Variants in MVB12B observed in about 807,000 individuals in gnomAD.
MVB12B encodes multivesicular body subunit 12B.
MVB12B carries 16 observed loss-of-function variants against 41.6 expected under a neutral mutation model. The ratio of observed to expected loss-of-function variants is 0.38; its 90% CI spans 0.26 to 0.58. The LOEUF (loss-of-function observed/expected upper bound fraction) is 0.58. MVB12B is among the 20% of genes least tolerant of loss of function. MVB12B has a pLI of 0.62. For synonymous variants in MVB12B, 133 were observed against 139.7 expected, an observed-to-expected ratio of 0.95 and a Z score of 0.34; for missense variants, 274 against 380.2, an observed-to-expected ratio of 0.72 and a Z score of 2.32.
At chr9:126,365,136 C>CT (rs1830135173) in intron 2 of MVB12B, among the ~76,000 whole-genome samples, 1 of 151,702 alleles carries the variant, frequency 6.6e-6, no homozygotes, top group Non-Finnish European at 1.5e-5. Flanking sequence ...TCACTGCAAC[C>CT]TCCGCCTCCC....
intron 9 of MVB12B, 109 bp downstream of exon 9, chr9:126,484,141 G>A: frequency 2.0e-6 from 2 of 1,019,078 alleles, no homozygotes; most frequent in Non-Finnish European, 3.0e-6. Flanking sequence ...ACAGGTGGAG[G>A]TGTTCCGTTC....
At chr9:126,361,367 A>G (rs185897238) in intron 2 of MVB12B, among the ~76,000 whole-genome samples, 20 of 152,174 alleles carry the variant, frequency 1.3e-4, no homozygotes, top group African/African-American at 4.3e-4. Context: ...CCCTTGTGCT[A>G]TTGTTGGCAT....
intron 7 of MVB12B, among the ~76,000 whole-genome samples, chr9:126,466,888 T>C (rs1177153972): frequency 6.6e-6 from 1 of 151,998 alleles, no homozygotes; most frequent in Non-Finnish European, 1.5e-5. Context: ...AGTGCAGTGG[T>C]GCAATCTCAG....
At chr9:126,493,708 T>C (rs531147727) in intron 9 of MVB12B, among the ~76,000 whole-genome samples, 2 of 152,366 alleles carry the variant, frequency 1.3e-5, no homozygotes, top group South Asian at 2.1e-4. Context: ...CCTTTCTCTT[T>C]AGGTCATTCC....
At chr9:126,387,587 G>C (rs1301445319) in intron 4 of MVB12B, among the ~76,000 whole-genome samples, 1 of 152,178 alleles carries the variant, frequency 6.6e-6, no homozygotes, top group African/African-American at 2.4e-5. Context: ...GAAACCAGCA[G>C]ACCCCGTTGT....
At chr9:126,399,013 G>A (rs1831195836) in intron 6 of MVB12B, among the ~76,000 whole-genome samples, 1 of 152,146 alleles carries the variant, frequency 6.6e-6, no homozygotes, top group Non-Finnish European at 1.5e-5. Flanking sequence ...TCCAAAAGCA[G>A]GAACTGCCTC....
At chr9:126,498,484 C>T (rs146391752) in intron 9 of MVB12B, among the ~76,000 whole-genome samples, 1,569 of 152,340 alleles carry the variant, frequency 0.01, 13 homozygotes, top group Non-Finnish European at 0.015. Flanking sequence ...TGGACTACAC[C>T]ATTCCTGGCC....
chr9:126,495,771 T>G (rs1833816342), intron 9 of MVB12B, among the ~76,000 whole-genome samples: 1 of 152,138 alleles, frequency 6.6e-6, no homozygotes, highest in South Asian at 2.1e-4. Flanking sequence ...TCTAGATAAA[T>G]ATTGGCATCC....
rs773925425 is a variant in MVB12B at position 126,473,770 on chromosome 9, C to T, written c.758-7599C>T. Among the ~76,000 whole-genome samples, 7 of 152,176 alleles carry T rather than the reference C, an allele frequency of 4.6e-5. No individual in the cohort carries two copies. Among genetic ancestry groups the T allele is most frequent in the Admixed American group, 1.3e-4 (2 of 15,276 alleles). On this transcript the variant is annotated intron_variant, in intron 7 of 9. Coordinates refer to ENST00000361171, the MANE Select transcript of MVB12B (RefSeq NM_033446.3). The surrounding 1 kb of genome is among the most constrained non-coding windows in gnomAD (Gnocchi z 4.0). ...TCTCCCGCCGGGCCCCCTCCAATAC[C>T]GGGGATTACAATTGAACATGAGATT... is the stretch of plus-strand genomic sequence containing the variant.
intron 7 of MVB12B, among the ~76,000 whole-genome samples, chr9:126,476,833 C>T (rs895919573): frequency 9.6e-5 from 14 of 145,132 alleles, no homozygotes; most frequent in Non-Finnish European, 1.2e-4. Flanking sequence ...GCCAAGATTG[C>T]GCCACTGCAC....
intron 7 of MVB12B, among the ~76,000 whole-genome samples, chr9:126,427,804 G>T (rs915473754): frequency 1.3e-5 from 2 of 152,190 alleles, no homozygotes; most frequent in African/African-American, 4.8e-5. Context: ...ACCTAGACAG[G>T]TTGGCTCACT....
rs1324540741 is a variant in MVB12B at position 126,376,759 on chromosome 9, C to T, written c.205-4305C>T. 9 of 1,222,056 alleles carry T rather than the reference C, an allele frequency of 7.4e-6. No homozygotes were observed. The highest frequency in any genetic ancestry group is 2.7e-5 in the Admixed American group (1 of 37,412). 75.7% of individuals were successfully genotyped at this position (1,222,056 alleles called of 1,614,324 possible). A position where few individuals can be genotyped will look rare whatever the true frequency, so the allele number is the denominator to read the frequency against. On this transcript the variant is annotated intron_variant, in intron 2 of 9. Coordinates refer to ENST00000361171, the MANE Select transcript of MVB12B (RefSeq NM_033446.3). This position sits in a 1 kb window ranked among gnomAD's most constrained non-coding sequence, Gnocchi z 4.1. ...TCCTCCTGACCTCCAGCCTCCTTCCCCACCTGCCGGGCTTGTAGAGTCCTG... is the reference window on the plus strand; with the variant it reads ...TCCTCCTGACCTCCAGCCTCCTTCCTCACCTGCCGGGCTTGTAGAGTCCTG...
In MVB12B at chr9:126,448,926, G is replaced by T. The variant is rs1458037541; in HGVS notation, c.757+26978G>T. Among the ~76,000 whole-genome samples, 3 of 152,174 alleles carry T rather than the reference G, an allele frequency of 2.0e-5. No individual in the cohort carries two copies. In the East Asian group the frequency reaches 5.8e-4, roughly 29 times the overall value. On this transcript the variant is annotated intron_variant, in intron 7 of 9. Transcript: ENST00000361171. Reference sequence around the variant, plus strand: ...CCTCATCCCAGAACTTTGATCATTGGAAGTGCTTATTTGAAATCTTCCCAT... The same window carrying T: ...CCTCATCCCAGAACTTTGATCATTGTAAGTGCTTATTTGAAATCTTCCCAT...
At chr9:126,458,969 T>C (rs1402134668) in intron 7 of MVB12B, among the ~76,000 whole-genome samples, 1 of 152,240 alleles carries the variant, frequency 6.6e-6, no homozygotes, top group Non-Finnish European at 1.5e-5. Flanking sequence ...TCTCTTTCTT[T>C]CTATTACTGA....
At chr9:126,350,941 G>A (rs1180084325) in intron 2 of MVB12B, among the ~76,000 whole-genome samples, 1 of 152,136 alleles carries the variant, frequency 6.6e-6, no homozygotes, top group African/African-American at 2.4e-5. Flanking sequence ...GGGTTTTAAT[G>A]GCAATTGATG....
intron 6 of MVB12B, among the ~76,000 whole-genome samples, chr9:126,398,501 T>C (rs1462568931): frequency 6.6e-6 from 1 of 152,220 alleles, no homozygotes; most frequent in African/African-American, 2.4e-5. Flanking sequence ...TCAAGTCTTT[T>C]TCTTGTGTAC....
chr9:126,357,998 GTGATA>G (rs572415171), intron 2 of MVB12B, among the ~76,000 whole-genome samples: 5 of 152,094 alleles, frequency 3.3e-5, no homozygotes, highest in Non-Finnish European at 7.4e-5. Flanking sequence ...ATGGTTATAT[GTGATA>G]TGATATATGG....
intron 7 of MVB12B, among the ~76,000 whole-genome samples, chr9:126,425,226 T>C (rs1352626908): frequency 6.6e-6 from 1 of 152,182 alleles, no homozygotes; most frequent in African/African-American, 2.4e-5. Flanking sequence ...TGTGCTATTA[T>C]GATGGCCTTT....
Position 126,386,141 on chromosome 9 carries a change from G to A in MVB12B, c.313-421G>A, listed in dbSNP as rs182930039. ...TGGTGATCACTTAGGAGAGTGATTGGTTCCCTGTTAGGTTTAGATGCAGCT... is the reference window on the plus strand; with the variant it reads ...TGGTGATCACTTAGGAGAGTGATTGATTCCCTGTTAGGTTTAGATGCAGCT... On this transcript the variant is annotated intron_variant, in intron 3 of 9. Transcript: ENST00000361171. This position sits in a 1 kb window ranked among gnomAD's most constrained non-coding sequence, Gnocchi z 4.3. 9.2e-5 allele frequency among the ~76,000 whole-genome samples: 14 copies of A among 152,160 alleles called. No homozygotes were observed. Among genetic ancestry groups the A allele is most frequent in the Non-Finnish European group, 1.9e-4 (13 of 68,022 alleles).
Sources: allele counts gnomAD v4.1 joint callset (sites outside exome capture counted in the v4.1 genomes callset), GRCh38; gene constraint gnomAD v4.1.1; non-coding constraint Gnocchi (gnomAD v3.1); transcripts MANE v1.5; gene names NCBI Gene and HGNC (gene_info 2026-07-23, HGNC 2026-07-21).